Variants in SBF2 observed in about 807,000 individuals in gnomAD.
SBF2 encodes the protein myotubularin-related protein 13.
Under a neutral mutation model 225.2 loss-of-function variants are expected in SBF2, and 112 were observed. The ratio of observed to expected loss-of-function variants is 0.50; its 90% CI spans 0.43 to 0.58. The LOEUF is 0.58. Ranked by LOEUF, SBF2 falls within the 20% of genes least tolerant of loss-of-function variation. SBF2 has a pLI of 0.00. For synonymous variants in SBF2, 763 were observed against 773.3 expected, an observed-to-expected ratio of 0.99 and a Z score of 0.22; for missense variants, 1,996 against 2,206.2, an observed-to-expected ratio of 0.90 and a Z score of 1.91.
At chr11:10,245,844 C>A (rs1380338023) in intron 1 of SBF2, among the ~76,000 whole-genome samples, 2 of 152,140 alleles carry the variant, frequency 1.3e-5, no homozygotes, top group Non-Finnish European at 1.5e-5. Context: ...TTTGTGACAA[C>A]ATGGGTAAAT....
chr11:10,166,216 T>C (rs969631164), intron 2 of SBF2, among the ~76,000 whole-genome samples: 1 of 152,228 alleles, frequency 6.6e-6, no homozygotes, highest in African/African-American at 2.4e-5. Flanking sequence ...GGGTATTGTA[T>C]ACAAACTTAT....
At chr11:10,110,639 T>C (rs186448796) in intron 2 of SBF2, among the ~76,000 whole-genome samples, 1 of 152,100 alleles carries the variant, frequency 6.6e-6, no homozygotes, top group African/African-American at 2.4e-5. Flanking sequence ...ACACGAGTTT[T>C]AAAAGCTATA....
intron 1 of SBF2, among the ~76,000 whole-genome samples, chr11:10,198,738 T>C (rs1957468772): frequency 6.6e-6 from 1 of 152,260 alleles, no homozygotes; most frequent in South Asian, 2.1e-4. Context: ...TCTGCATAAC[T>C]TGCAGCAGCT....
chr11:10,291,713 G>A (rs2133616417), intron 1 of SBF2, among the ~76,000 whole-genome samples: 1 of 151,312 alleles, frequency 6.6e-6, no homozygotes, highest in Admixed American at 6.6e-5. Context: ...CCATGTAGAT[G>A]TCAATAAATG....
At chr11:9,820,196 T>C (rs927869600) in intron 28 of SBF2, among the ~76,000 whole-genome samples, 26 of 152,226 alleles carry the variant, frequency 1.7e-4, no homozygotes, top group Non-Finnish European at 3.4e-4. Flanking sequence ...CAATCTTTAA[T>C]AGTAGTATTA....
chr11:10,292,568 T>G, intron 1 of SBF2, among the ~76,000 whole-genome samples: 1 of 151,028 alleles, frequency 6.6e-6, no homozygotes, highest in Non-Finnish European at 1.5e-5. Flanking sequence ...AAATCCCAGC[T>G]ACTCCGGAGG....
Position 9,780,216 on chromosome 11 carries a change from T to C in SBF2, c.*202A>G, listed in dbSNP as rs1851919668. On this transcript the variant is annotated 3_prime_UTR_variant, in exon 40 of 40. Coordinates refer to ENST00000256190, the MANE Select transcript of SBF2 (RefSeq NM_030962.4). ...AAAATTTAGTGCAAGATACAGGGAGTGCATGGGGCTGTTGACCAGACCTGT... is the reference window on the plus strand; with the variant it reads ...AAAATTTAGTGCAAGATACAGGGAGCGCATGGGGCTGTTGACCAGACCTGT... 3.2e-6 allele frequency: 2 copies of C among 616,006 alleles called. No homozygotes were observed. Among genetic ancestry groups the C allele is most frequent in the Non-Finnish European group, 5.9e-6 (2 of 338,680 alleles). The allele number at this position is 616,006 out of a possible 1,614,324, so 38.2% of individuals were successfully genotyped here.
chr11:10,130,464 T>C (rs921400996), intron 2 of SBF2, among the ~76,000 whole-genome samples: 5 of 152,258 alleles, frequency 3.3e-5, no homozygotes, highest in African/African-American at 1.2e-4. Context: ...TTCATCAAGT[T>C]ACAAGGCAAT....
intron 2 of SBF2, among the ~76,000 whole-genome samples, chr11:10,045,920 G>C (rs1012000945): frequency 5.3e-5 from 8 of 151,978 alleles, no homozygotes; most frequent in African/African-American, 1.7e-4. Context: ...GTATCTGTGG[G>C]TTCTACATCT....
chr11:9,991,067 A>T (rs532314870), intron 12 of SBF2, among the ~76,000 whole-genome samples: 2 of 152,348 alleles, frequency 1.3e-5, no homozygotes, highest in East Asian at 3.9e-4. Context: ...AGACTAACAA[A>T]ATGTAGGTGC....
chr11:9,977,896 C>T (rs1946773349), intron 13 of SBF2, among the ~76,000 whole-genome samples: 2 of 152,052 alleles, frequency 1.3e-5, no homozygotes, highest in Admixed American at 1.3e-4. Context: ...TGAGAAGAGA[C>T]AGGAAAATTA....
intron 1 of SBF2, among the ~76,000 whole-genome samples, chr11:10,231,024 T>G (rs12789941): frequency 0.23 from 34,837 of 152,062 alleles, 4,426 homozygotes; most frequent in Middle Eastern, 0.31. Flanking sequence ...CATTCTTTTT[T>G]CTCTAAACTT....
At chr11:9,834,659 A>G (rs1371167677) in intron 26 of SBF2, among the ~76,000 whole-genome samples, 1 of 152,192 alleles carries the variant, frequency 6.6e-6, no homozygotes, top group Non-Finnish European at 1.5e-5. Flanking sequence ...TAATACCACA[A>G]ACTGATGAAA....
intron 2 of SBF2, among the ~76,000 whole-genome samples, chr11:10,070,532 A>G (rs1329814478): frequency 6.6e-6 from 1 of 152,214 alleles, no homozygotes; most frequent in Non-Finnish European, 1.5e-5. Context: ...GTGGTTTGGT[A>G]CCAGCACCAT....
At position 9,853,640 on chromosome 11, in the gene SBF2, G is replaced by A. The variant is rs374225152; in HGVS notation, c.2436C>T (p.Ala812=). ...GFEDSENTDI[A]NSVVRFITRF... is the part of the protein sequence containing the mutation. The stretch of plus-strand genomic sequence containing the variant: ...GGGTAATGAACCGCACAACAGAATT[G>A]GCAATGTCAGTATTCTCTGAATCTT... Residue 812 remains alanine, a synonymous_variant, in exon 20 of 40, where the codon GCC becomes GCT. Coordinates refer to ENST00000256190, the MANE Select transcript of SBF2 (RefSeq NM_030962.4). 185 of 1,613,662 alleles carry A rather than the reference G, an allele frequency of 1.1e-4. No homozygotes were observed. Among genetic ancestry groups the A allele is most frequent in the Non-Finnish European group, 1.5e-4 (179 of 1,179,772 alleles).
chr11:10,260,686 G>A (rs1488333581), intron 1 of SBF2, among the ~76,000 whole-genome samples: 2 of 143,262 alleles, frequency 1.4e-5, no homozygotes, highest in Non-Finnish European at 3.0e-5. Flanking sequence ...CTGGGCAACA[G>A]AGCGAGATTC....
At chr11:9,993,530 A>G (rs974802623) in intron 10 of SBF2, among the ~76,000 whole-genome samples, 7 of 152,250 alleles carry the variant, frequency 4.6e-5, no homozygotes. Context: ...AGACTCTTCA[A>G]ACTTGATTCT....
chr11:10,136,231 C>A (rs1206118547), intron 2 of SBF2, among the ~76,000 whole-genome samples: 1 of 152,148 alleles, frequency 6.6e-6, no homozygotes, highest in Non-Finnish European at 1.5e-5. Context: ...TCCCCCCCAA[C>A]AACACATGGG....
chr11:10,196,860 A>ATTTTTTTT (rs1288978130), intron 1 of SBF2, among the ~76,000 whole-genome samples: 1 of 13,648 alleles, frequency 7.3e-5, no homozygotes, highest in Admixed American at 9.6e-4. Context: ...ATATATATAT[A>ATTTTTTTT]TATATATTTT....
Sources: gnomAD v4.1 joint callset for allele counts (sites outside exome capture counted in the v4.1 genomes callset) on GRCh38, gnomAD v4.1.1 for gene constraint, MANE v1.5 for transcripts, NCBI Gene and HGNC (gene_info 2026-07-23, HGNC 2026-07-21) for gene names.